Variants in SHANK2 observed in about 807,000 individuals in gnomAD.
SHANK2 encodes the protein SH3 and multiple ankyrin repeat domains 2.
SHANK2 carries 43 observed loss-of-function variants against 133.7 expected under a neutral mutation model. That is an observed-to-expected ratio of 0.32 (90% CI 0.25 to 0.41). SHANK2 has a LOEUF of 0.41. Ranked by LOEUF, SHANK2 falls within the 10% of genes least tolerant of loss-of-function variation. The probability of loss-of-function intolerance (pLI) is 1.00; values close to 1 mark genes in which losing one functional copy is unlikely to be tolerated. For synonymous variants in SHANK2, 1,017 were observed against 952.8 expected (o/e 1.07, Z -1.24); for missense variants, 1,994 against 2,235.8 (o/e 0.89, Z 2.18).
At chr11:70,475,194 T>G (rs1258617068) in intron 25 of SHANK2, 1 of 152,194 alleles carries the variant, frequency 6.6e-6, no homozygotes, top group East Asian at 1.9e-4. Context: ...AGACCCTTCA[T>G]AGAAACCACC....
At chr11:70,953,223 T>C (rs532949574) in intron 10 of SHANK2, among the ~76,000 whole-genome samples, 1 of 152,166 alleles carries the variant, frequency 6.6e-6, no homozygotes, top group South Asian at 2.1e-4. Context: ...GGATCCCTCA[T>C]GAACAGATCC....
chr11:70,625,146 G>A (rs577477923), intron 17 of SHANK2, among the ~76,000 whole-genome samples: 3 of 152,166 alleles, frequency 2.0e-5, no homozygotes, highest in African/African-American at 2.4e-5. Flanking sequence ...ACAGGCAGGC[G>A]TGGGGGGCAG....
At chr11:71,165,002 C>G (rs1273041924) in intron 2 of SHANK2, among the ~76,000 whole-genome samples, 2 of 151,942 alleles carry the variant, frequency 1.3e-5, no homozygotes, top group Non-Finnish European at 2.9e-5. Flanking sequence ...ACCCAGCTGT[C>G]CTTTGCAATC....
chr11:70,671,362 G>A (rs1185419011), intron 15 of SHANK2, among the ~76,000 whole-genome samples: 1 of 152,068 alleles, frequency 6.6e-6, no homozygotes, highest in African/African-American at 2.4e-5. Flanking sequence ...CCAGCGCCAC[G>A]CCCCTGGCCA....
intron 11 of SHANK2, among the ~76,000 whole-genome samples, chr11:70,880,701 G>T (rs1172051702): frequency 1.3e-5 from 2 of 152,226 alleles, no homozygotes; most frequent in East Asian, 1.9e-4. Flanking sequence ...CACGATGTCT[G>T]CTCCCATCAG....
intron 25 of SHANK2, chr11:70,474,765 C>T (rs2058641501): frequency 6.6e-6 from 1 of 152,236 alleles, no homozygotes; most frequent in Non-Finnish European, 1.5e-5. Context: ...TCCATCCTAC[C>T]ACGGCTCTCT....
intron 11 of SHANK2, among the ~76,000 whole-genome samples, chr11:70,836,986 TGTCTCTCC>T (rs1172374491): frequency 6.6e-6 from 1 of 152,190 alleles, no homozygotes; most frequent in African/African-American, 2.4e-5. Flanking sequence ...TCTGTCTCTC[TGTCTCTCC>T]ACCATGGGAG....
chr11:70,579,657 C>T (rs921480750), intron 17 of SHANK2, among the ~76,000 whole-genome samples: 7 of 152,356 alleles, frequency 4.6e-5, no homozygotes, highest in Non-Finnish European at 7.3e-5. Context: ...CTGTCCTGTG[C>T]AGGTCAGCCT....
At chr11:70,868,678 C>T (rs1555069585) in intron 11 of SHANK2, among the ~76,000 whole-genome samples, 1 of 152,226 alleles carries the variant, frequency 6.6e-6, no homozygotes, top group East Asian at 1.9e-4. Flanking sequence ...CAGCCCAGGG[C>T]CCCACCCACA....
intron 8 of SHANK2, among the ~76,000 whole-genome samples, chr11:71,090,831 G>A (rs1951504249): frequency 6.6e-6 from 1 of 152,176 alleles, no homozygotes; most frequent in South Asian, 2.1e-4. Flanking sequence ...GAGACCCAGG[G>A]CAGTGTTCAG....
intron 17 of SHANK2, among the ~76,000 whole-genome samples, chr11:70,550,695 G>C (rs2059753748): frequency 1.3e-5 from 2 of 152,178 alleles, no homozygotes. Context: ...CCCTGGGGAG[G>C]GGCCCGGTGG....
chr11:70,646,664 G>A (rs2061265223), intron 17 of SHANK2, among the ~76,000 whole-genome samples: 1 of 152,108 alleles, frequency 6.6e-6, no homozygotes, highest in African/African-American at 2.4e-5. Flanking sequence ...AAAATAACTT[G>A]GTAGATGTGT....
In SHANK2 at chr11:70,780,785, G is replaced by A. The variant is rs149606652; in HGVS notation, c.1777+17658C>T. Among the ~76,000 whole-genome samples, 515 of 152,034 alleles carry A rather than the reference G, an allele frequency of 3.4e-3. 3 individuals carry two copies. Among genetic ancestry groups the A allele is most frequent in the East Asian group, 0.016 (80 of 5,156 alleles). On this transcript the variant is annotated intron_variant, in intron 14 of 25. Transcript: ENST00000601538. ...GACGGGGATTCACCATGTTGGTCAC[G>A]CTGGTCTCAAACTCCTGACCTCAGG...
intron 9 of SHANK2, among the ~76,000 whole-genome samples, chr11:71,071,425 G>A (rs1297978634): frequency 6.6e-6 from 1 of 152,180 alleles, no homozygotes; most frequent in Admixed American, 6.5e-5. Flanking sequence ...GAAAGATGGC[G>A]GCTTATGCCT....
At chr11:70,743,856 C>T (rs1397925128) in intron 14 of SHANK2, among the ~76,000 whole-genome samples, 4 of 152,264 alleles carry the variant, frequency 2.6e-5, no homozygotes, top group African/African-American at 9.6e-5. Context: ...CCTTTCCTAC[C>T]CGGCTGCTGC....
Position 70,596,596 on chromosome 11 carries a change from C to T in SHANK2, c.2061+63232G>A, listed in dbSNP as rs372312762. Among the ~76,000 whole-genome samples, 97 of 152,308 alleles carry T rather than the reference C, an allele frequency of 6.4e-4. 1 individual carries two copies. The highest frequency in any genetic ancestry group is 2.2e-3 in the African/African-American group (90 of 41,584). ...AGGGCAGAATCCTGATGCGGGGGGGCGGCAGGCCCAGCAGGGCAACTGCCA... is the reference window on the plus strand; with the variant it reads ...AGGGCAGAATCCTGATGCGGGGGGGTGGCAGGCCCAGCAGGGCAACTGCCA... On this transcript the variant is annotated intron_variant, in intron 17 of 25. Coordinates refer to ENST00000601538, the MANE Select transcript of SHANK2 (RefSeq NM_012309.5).
Position 70,486,677 on chromosome 11 carries a change from T to G in SHANK2, c.3616A>C (p.Thr1206Pro). 1 of 1,611,598 alleles carries G rather than the reference T, an allele frequency of 6.2e-7. No individual in the cohort carries two copies. The highest frequency in any genetic ancestry group is 8.5e-7 in the Non-Finnish European group (1 of 1,179,978). The change falls in exon 25 of 26, where the codon ACA becomes CCA. Residue 1206 changes from threonine (T) to proline (P), a missense_variant. This residue lies in a region of SHANK2 where 797 missense variants were observed against 907.4 expected (regional missense o/e 0.88). Transcript: ENST00000601538. This position sits in a 1 kb window ranked among gnomAD's most constrained non-coding sequence, Gnocchi z 8.0. ...AGPGNYVHPL[T>P]GRLLDPSSPL... ...GAGCTGGGATCAAGCAGCCGCCCTG[T>G]GAGTGGGTGGACATAATTCCCGGGG... is the stretch of plus-strand genomic sequence containing the variant.
At chr11:70,711,463 C>A (rs541912061) in intron 14 of SHANK2, among the ~76,000 whole-genome samples, 1 of 152,206 alleles carries the variant, frequency 6.6e-6, no homozygotes, top group African/African-American at 2.4e-5. Context: ...GATGAAAGAC[C>A]GAAATAACTT....
chr11:70,662,116 T>C, intron 15 of SHANK2: 1 of 394,548 alleles, frequency 2.5e-6, no homozygotes, highest in East Asian at 5.6e-5. Flanking sequence ...ACCACACGCA[T>C]CTTCCAGGGA....
Sources: allele counts gnomAD v4.1 joint callset (sites outside exome capture counted in the v4.1 genomes callset), GRCh38; gene constraint gnomAD v4.1.1; regional missense constraint gnomAD v4.1.1; non-coding constraint Gnocchi (gnomAD v3.1); transcripts MANE v1.5; gene names NCBI Gene and HGNC (gene_info 2026-07-23, HGNC 2026-07-21).